SYCP2L: variants seen among roughly 807,000 people sequenced by gnomAD.
The protein encoded by SYCP2L is synaptonemal complex protein 2-like.
A neutral mutation model predicts 125.8 loss-of-function variants in SYCP2L; 98 were observed. The observed-to-expected ratio is 0.78, with a 90% confidence interval of 0.66 to 0.92. The LOEUF (loss-of-function observed/expected upper bound fraction) is 0.92, where lower values mean the gene tolerates loss of function less well. Ranked by LOEUF, SYCP2L falls within the 40% of genes least tolerant of loss-of-function variation. The probability of loss-of-function intolerance (pLI) is 0.00; values close to 1 mark genes in which losing one functional copy is unlikely to be tolerated. For synonymous variants in SYCP2L, 317 were observed against 325.4 expected (o/e 0.97, Z 0.28); for missense variants, 842 against 936.4 (o/e 0.90, Z 1.32).
intron 16 of SYCP2L, among the ~76,000 whole-genome samples, chr6:10,926,781 C>CTTT (rs774954530): frequency 7.3e-5 from 10 of 136,410 alleles, no homozygotes; most frequent in African/African-American, 1.9e-4. Context: ...GATTTCTTTT[C>CTTT]TTTTTTTTTT....
chr6:10,949,544 A>G (rs1781373667), intron 23 of SYCP2L, among the ~76,000 whole-genome samples: 3 of 152,226 alleles, frequency 2.0e-5, no homozygotes, highest in South Asian at 2.1e-4. Context: ...ACGGTATCCA[A>G]ATTTCATAAG....
chr6:10,928,915 C>CT (rs751666059), intron 18 of SYCP2L, among the ~76,000 whole-genome samples: 31,859 of 141,500 alleles, frequency 0.23, 3,683 homozygotes, highest in African/African-American at 0.25. Context: ...CTTTTCTTTA[C>CT]TTTTTTTTTT....
chr6:10,893,178 G>A (rs370847140), intron 2 of SYCP2L, among the ~76,000 whole-genome samples: 3 of 151,828 alleles, frequency 2.0e-5, no homozygotes, highest in East Asian at 3.9e-4. Flanking sequence ...TTGTATTGTT[G>A]GTAGAGATGG....
chr6:10,930,172 C>T lies in SYCP2L; in HGVS notation c.1489-198C>T, dbSNP rs762591672. ...GAAAGGATTTTGTCATCCTATACAA[C>T]AGCAACTTGGTTGAGAATTGACTGA... On this transcript the variant is annotated intron_variant, in intron 18 of 29. Coordinates refer to ENST00000283141, the MANE Select transcript of SYCP2L (RefSeq NM_001040274.3). The T allele has an allele frequency of 2.7e-5, 13 of 474,548 alleles. No homozygotes were observed. In the East Asian group the frequency reaches 4.6e-4, roughly 17 times the overall value. The allele number at this position is 474,548 out of a possible 1,614,324, so 29.4% of individuals were successfully genotyped here.
chr6:10,907,826 TAGG>T (rs1457782924), intron 10 of SYCP2L, 142 bp downstream of exon 10: 9 of 718,812 alleles, frequency 1.3e-5, no homozygotes, highest in Non-Finnish European at 2.0e-5. Flanking sequence ...GTTTCTCACT[TAGG>T]AGAAACAATT....
chr6:10,903,193 G>T (rs547340658), intron 8 of SYCP2L, among the ~76,000 whole-genome samples: 3 of 152,300 alleles, frequency 2.0e-5, no homozygotes, highest in African/African-American at 7.2e-5. Context: ...CCAGCACTTT[G>T]GGGGGCCAAG....
chr6:10,892,501 A>G lies in SYCP2L; in HGVS notation c.78+920A>G, dbSNP rs1017702251. 2.6e-4 allele frequency among the ~76,000 whole-genome samples: 40 copies of G among 152,102 alleles called. 1 individual carries two copies. Among genetic ancestry groups the G allele is most frequent in the African/African-American group, 7.5e-4 (31 of 41,410 alleles). On this transcript the variant is annotated intron_variant, in intron 2 of 29. Coordinates refer to ENST00000283141, the MANE Select transcript of SYCP2L (RefSeq NM_001040274.3). ...TTTTGTAGAGACTGGGTCTCAATAT[A>G]TTGCCCAGGCTGATGTCAAACTTCT... is the stretch of plus-strand genomic sequence containing the variant.
At chr6:10,903,364 C>T (rs1273738969) in intron 8 of SYCP2L, among the ~76,000 whole-genome samples, 10 of 152,094 alleles carry the variant, frequency 6.6e-5, no homozygotes, top group Non-Finnish European at 1.0e-4. Flanking sequence ...CTGGCTAACA[C>T]AGTGAAACCC....
chr6:10,942,218 A>G (rs1781236931), intron 21 of SYCP2L, among the ~76,000 whole-genome samples: 1 of 152,088 alleles, frequency 6.6e-6, no homozygotes, highest in Admixed American at 6.6e-5. Flanking sequence ...TAATGGGTGC[A>G]GCACACCAAC....
chr6:10,942,324 G>T, intron 21 of SYCP2L, 135 bp from the exon 22 acceptor site: 1 of 602,532 alleles, frequency 1.7e-6, no homozygotes, highest in Non-Finnish European at 2.8e-6. Flanking sequence ...GAAAGACACA[G>T]TCAGTAGATT....
At chr6:10,937,899 T>TA (rs1781130344) in intron 21 of SYCP2L, among the ~76,000 whole-genome samples, 1 of 150,942 alleles carries the variant, frequency 6.6e-6, no homozygotes, top group South Asian at 2.1e-4. Flanking sequence ...CCATAATGAG[T>TA]AAGGAGATCA....
In SYCP2L at chr6:10,916,141, G is replaced by A. The variant is rs1297002872; in HGVS notation, c.1072+3214G>A. On this transcript the variant is annotated intron_variant, in intron 14 of 29. Transcript: ENST00000283141. The stretch of plus-strand genomic sequence containing the variant: ...TCATAGAAGCCTTAAATGATCTTTT[G>A]TATTTCAGTGGTGTCAGTTGTAATA... 3.9e-5 allele frequency among the ~76,000 whole-genome samples: 6 copies of A among 152,092 alleles called. No individual in the cohort carries two copies. The East Asian group carries it at 7.7e-4, about 20-fold the overall frequency.
Position 10,935,137 on chromosome 6 carries a change from T to G in SYCP2L, c.1763T>G (p.Phe588Cys). 6.2e-7 allele frequency: 1 copy of G among 1,613,304 alleles called. No homozygotes were observed. The highest frequency in any genetic ancestry group is 8.5e-7 in the Non-Finnish European group (1 of 1,179,696). ...TCTCCAAAGACTTCTGAACAAAAAT[T>G]CCAAGATAGTTTTGCTTTTTTGACT... ...TTSPKTSEQK[F>C]QDSFAFLTAE... Residue 588 changes from phenylalanine to cysteine, a missense_variant, in exon 21 of 30, where the codon TTC becomes TGC. Transcript: ENST00000283141.
intron 21 of SYCP2L, among the ~76,000 whole-genome samples, chr6:10,941,059 C>T (rs984737564): frequency 6.6e-6 from 1 of 152,082 alleles, no homozygotes; most frequent in African/African-American, 2.4e-5. Flanking sequence ...GGAAAGGATT[C>T]CCTATTTAAT....
chr6:10,901,528 T>A (rs984832469), intron 6 of SYCP2L, among the ~76,000 whole-genome samples: 2 of 152,338 alleles, frequency 1.3e-5, no homozygotes, highest in South Asian at 2.1e-4. Flanking sequence ...AGTTTCTCAA[T>A]TTTGGCAATA....
At chr6:10,914,472 G>T (rs1440653057) in intron 14 of SYCP2L, among the ~76,000 whole-genome samples, 1 of 152,112 alleles carries the variant, frequency 6.6e-6, no homozygotes, top group Non-Finnish European at 1.5e-5. Context: ...GCTTAGTCTT[G>T]CTTTGGCTAC....
At chr6:10,966,549 C>T (rs1781680924) in intron 29 of SYCP2L, among the ~76,000 whole-genome samples, 1 of 152,112 alleles carries the variant, frequency 6.6e-6, no homozygotes, top group Non-Finnish European at 1.5e-5. Flanking sequence ...AATTTTTATT[C>T]CCCAAAGCCC....
intron 21 of SYCP2L, among the ~76,000 whole-genome samples, chr6:10,939,462 C>G (rs1455426164): frequency 6.6e-6 from 1 of 152,218 alleles, no homozygotes; most frequent in East Asian, 1.9e-4. Context: ...ATCACACTTT[C>G]TGATTTCAAA....
intron 21 of SYCP2L, among the ~76,000 whole-genome samples, chr6:10,938,373 C>T (rs75682316): frequency 0.084 from 12,813 of 152,196 alleles, 746 homozygotes; most frequent in Non-Finnish European, 0.13. Context: ...TTCATAATGA[C>T]TTTCAACAAA....
Sources: allele counts gnomAD v4.1 joint callset (sites outside exome capture counted in the v4.1 genomes callset), GRCh38; gene constraint gnomAD v4.1.1; transcripts MANE v1.5; gene names NCBI Gene and HGNC (gene_info 2026-07-23, HGNC 2026-07-21).